Variants in CBL observed in about 807,000 individuals in gnomAD.
CBL encodes Cbl proto-oncogene, also known as E3 ubiquitin-protein ligase CBL.
Under a neutral mutation model 96.9 loss-of-function variants are expected in CBL, and 45 were observed. The observed-to-expected ratio is 0.46, with a 90% CI of 0.37 to 0.60. The LOEUF is 0.60. Ranked by LOEUF, CBL falls within the 20% of genes least tolerant of loss-of-function variation. The pLI is 0.00. For synonymous variants in CBL, 420 were observed against 426.8 expected (o/e 0.98, Z 0.20); for missense variants, 1,024 against 1,143.5 (o/e 0.90, Z 1.51).
At chr11:119,270,150 A>G (rs901165266) in intron 2 of CBL, among the ~76,000 whole-genome samples, 3 of 151,906 alleles carry the variant, frequency 2.0e-5, no homozygotes, top group East Asian at 1.9e-4. Context: ...TTCTGTGGCA[A>G]TAGCATTAAA....
At chr11:119,279,489 C>A (rs556826880) in intron 9 of CBL, among the ~76,000 whole-genome samples, 107 of 123,548 alleles carry the variant, frequency 8.7e-4, no homozygotes, top group Non-Finnish European at 1.6e-3. Context: ...CCATGCCCCC[C>A]CCTAAAAAAA....
In CBL at chr11:119,206,451, G is replaced by C. The variant is rs866162034; in HGVS notation, c.34G>C (p.Gly12Arg). Residue 12 changes from glycine to arginine, a missense_variant, in exon 1 of 16, where the codon GGG (glycine) becomes CGG (arginine). This residue lies in a region of CBL where 114 missense variants were observed against 117.4 expected (regional missense o/e 0.97). Transcript: ENST00000264033. The stretch of plus-strand genomic sequence containing the variant: ...CAACGTGAAGAAGAGCTCTGGGGCC[G>C]GGGGCGGCAGCGGCTCCGGGGGCTC... Reference protein sequence around the residue: ...AGNVKKSSGAGGGSGSGGSGS... With the variant: ...AGNVKKSSGARGGSGSGGSGS... 6.3e-7 allele frequency: 1 copy of C among 1,578,386 alleles called. No individual in the cohort carries two copies. Among genetic ancestry groups the C allele is most frequent in the Non-Finnish European group, 8.6e-7 (1 of 1,166,574 alleles).
chr11:119,217,698 A>T (rs895085929), intron 1 of CBL, among the ~76,000 whole-genome samples: 7 of 151,746 alleles, frequency 4.6e-5, no homozygotes, highest in African/African-American at 9.7e-5. Context: ...TTTTTTTTTT[A>T]AATAAATGGA....
intron 1 of CBL, among the ~76,000 whole-genome samples, chr11:119,227,083 T>G (rs962077690): frequency 2.0e-5 from 3 of 152,224 alleles, no homozygotes; most frequent in African/African-American, 7.2e-5. Context: ...GCAAAAGTGA[T>G]AGCTATTCAG....
Position 119,298,379 on chromosome 11 carries a change from C to T in CBL, c.2273C>T (p.Ala758Val), listed in dbSNP as rs1209288584. The T allele has an allele frequency of 1.9e-6, 3 of 1,614,152 alleles. No individual in the cohort carries two copies. The Admixed American group carries it at 5.0e-5, about 27-fold the overall frequency. The change falls in exon 15 of 16, where the codon GCC (alanine) becomes GTC (valine). Residue 758 changes from alanine to valine, a missense_variant. This residue lies in a region of CBL where 695 missense variants were observed against 661.6 expected (regional missense o/e 1.05). Transcript: ENST00000264033. ...CCAGGTGAAGGGAATTTGGCCGCAG[C>T]CCATGCCAACACTGGTCCCGAGGAG... ...STFGEGNLAA[A>V]HANTGPEESE... is the part of the protein sequence containing the mutation.
chr11:119,250,735 G>A (rs1227621714), intron 2 of CBL, among the ~76,000 whole-genome samples: 1 of 152,124 alleles, frequency 6.6e-6, no homozygotes, highest in Non-Finnish European at 1.5e-5. Context: ...TGTATTCCTT[G>A]AGGCCAGGAC....
At chr11:119,270,361 C>T (rs368947147) in intron 2 of CBL, among the ~76,000 whole-genome samples, 10 of 141,802 alleles carry the variant, frequency 7.1e-5, no homozygotes, top group African/African-American at 2.4e-4. Flanking sequence ...TCTCCTGCCT[C>T]AGCTCTCCCA....
intron 1 of CBL, among the ~76,000 whole-genome samples, chr11:119,213,007 T>C (rs1949330576): frequency 6.6e-6 from 1 of 151,102 alleles, no homozygotes; most frequent in Admixed American, 6.6e-5. Flanking sequence ...AGAGACAGAA[T>C]CTTGACAGTG....
Position 119,299,903 on chromosome 11 carries a change from G to A in CBL, c.*122G>A. ...CAGTGAAGTCTTGCCCTCTCTGTGG[G>A]ATATCACATCAGTGGTTCCAAGATT... On this transcript the variant is annotated 3_prime_UTR_variant, in exon 16 of 16. Transcript: ENST00000264033. 1.1e-6 allele frequency: 1 copy of A among 920,244 alleles called. No individual in the cohort carries two copies. Among genetic ancestry groups the A allele is most frequent in the Non-Finnish European group, 1.8e-6 (1 of 562,978 alleles). The allele number at this position is 920,244 out of a possible 1,614,324, so 57.0% of individuals were successfully genotyped here. A position where few individuals can be genotyped will look rare whatever the true frequency, so the allele number is the denominator to read the frequency against.
chr11:119,291,110 T>G (rs1219960923), intron 12 of CBL, among the ~76,000 whole-genome samples: 2 of 152,208 alleles, frequency 1.3e-5, no homozygotes, highest in Non-Finnish European at 2.9e-5. Flanking sequence ...AAGGTAATGT[T>G]TCTTGGCTGT....
At chr11:119,282,090 C>T (rs1949939746) in intron 9 of CBL, among the ~76,000 whole-genome samples, 1 of 152,080 alleles carries the variant, frequency 6.6e-6, no homozygotes. Flanking sequence ...GTAATCCCAG[C>T]ACTTTGGGAG....
intron 2 of CBL, among the ~76,000 whole-genome samples, chr11:119,269,127 A>G (rs1820690677): frequency 6.6e-6 from 1 of 152,052 alleles, no homozygotes; most frequent in South Asian, 2.1e-4. Context: ...TTTGTGATAT[A>G]TTCTTGATCT....
At position 119,305,838 on chromosome 11, in the gene CBL, G is replaced by A. The variant is rs1372116215; in HGVS notation, c.*6057G>A. 2 of 233,250 alleles carry A rather than the reference G, an allele frequency of 8.6e-6. No individual in the cohort carries two copies. Among genetic ancestry groups the A allele is most frequent in the African/African-American group, 4.4e-5 (2 of 45,196 alleles). The allele number at this position is 233,250 out of a possible 1,614,324, so 14.4% of individuals were successfully genotyped here. ...CTCATCTCAGAGCCTGTCCTGAGTT[G>A]TAAGGTATTTCATACTGCCTTACTT... On this transcript the variant is annotated 3_prime_UTR_variant, in exon 16 of 16. Transcript: ENST00000264033.
intron 1 of CBL, among the ~76,000 whole-genome samples, chr11:119,229,587 A>G (rs929911662): frequency 2.6e-5 from 4 of 152,186 alleles, no homozygotes; most frequent in Non-Finnish European, 5.9e-5. Flanking sequence ...AGCCTGAGAG[A>G]CAGAGGGAGT....
intron 6 of CBL, among the ~76,000 whole-genome samples, chr11:119,277,384 C>T (rs1042251150): frequency 1.3e-5 from 2 of 151,858 alleles, no homozygotes; most frequent in African/African-American, 2.4e-5. Flanking sequence ...TCCTAAGAGT[C>T]GTTTTGAAAA....
At position 119,206,465 on chromosome 11, in the gene CBL, C is replaced by T. The variant is rs1299889689; in HGVS notation, c.48C>T (p.Gly16=). 3.8e-6 allele frequency: 6 copies of T among 1,576,782 alleles called. No individual in the cohort carries two copies. The highest frequency in any genetic ancestry group is 1.8e-5 in the Admixed American group (1 of 55,022). ...KKSSGAGGGS[G]SGGSGSGGLI... is the part of the protein sequence containing the mutation. ...GCTCTGGGGCCGGGGGCGGCAGCGG[C>T]TCCGGGGGCTCGGGTTCGGGTGGCC... Residue 16 remains glycine, a synonymous_variant, in exon 1 of 16, where the codon GGC becomes GGT. Coordinates refer to ENST00000264033, the MANE Select transcript of CBL (RefSeq NM_005188.4).
At chr11:119,218,455 C>G (rs967001029) in intron 1 of CBL, among the ~76,000 whole-genome samples, 2 of 152,264 alleles carry the variant, frequency 1.3e-5, no homozygotes, top group East Asian at 3.9e-4. Flanking sequence ...TCCATAGTTT[C>G]GCTTCCTGCT....
At chr11:119,218,573 T>TA (rs1404593199) in intron 1 of CBL, among the ~76,000 whole-genome samples, 41 of 152,342 alleles carry the variant, frequency 2.7e-4, no homozygotes, top group African/African-American at 9.6e-4. Flanking sequence ...CTTGCAATCT[T>TA]ACGCTGCTTC....
intron 1 of CBL, among the ~76,000 whole-genome samples, chr11:119,209,818 T>A (rs1324711018): frequency 6.6e-6 from 1 of 152,214 alleles, no homozygotes; most frequent in African/African-American, 2.4e-5. Context: ...TGGAAAAAGT[T>A]GGCATAAGTC....
Sources: gnomAD v4.1 joint callset for allele counts (sites outside exome capture counted in the v4.1 genomes callset) on GRCh38, gnomAD v4.1.1 for gene constraint, gnomAD v4.1.1 regional missense constraint, MANE v1.5 for transcripts, NCBI Gene and HGNC (gene_info 2026-07-23, HGNC 2026-07-21) for gene names.